Variants in OPCML observed in about 807,000 individuals in gnomAD.
OPCML encodes the protein opioid binding protein/cell adhesion molecule like, also known as opioid-binding protein/cell adhesion molecule.
In OPCML, 13 loss-of-function variants were observed where a neutral mutation model predicts 37.8. The observed-to-expected ratio is 0.34, with a 90% CI of 0.22 to 0.55. The LOEUF (loss-of-function observed/expected upper bound fraction) is 0.55. Ranked by LOEUF, OPCML falls within the 20% of genes least tolerant of loss-of-function variation. The pLI, the probability that OPCML is intolerant of heterozygous loss-of-function variation, is 0.91. For synonymous variants in OPCML, 176 were observed against 168.8 expected, an observed-to-expected ratio of 1.04 and a Z score of -0.33; for missense variants, 341 against 435.6, an observed-to-expected ratio of 0.78 and a Z score of 1.93.
chr11:132,537,934 G>A (rs2096345314), intron 3 of OPCML, among the ~76,000 whole-genome samples: 1 of 152,174 alleles, frequency 6.6e-6, no homozygotes, highest in South Asian at 2.1e-4. Flanking sequence ...CAAGGATGTG[G>A]AGAATTAATA....
chr11:133,016,149 G>A (rs1947330802), intron 1 of OPCML, among the ~76,000 whole-genome samples: 1 of 152,306 alleles, frequency 6.6e-6, no homozygotes, highest in East Asian at 1.9e-4. Context: ...CAAAAATGTA[G>A]TGCTTAGAAC....
intron 2 of OPCML, among the ~76,000 whole-genome samples, chr11:132,688,617 G>A (rs1451985650): frequency 1.3e-5 from 2 of 152,094 alleles, no homozygotes; most frequent in East Asian, 3.9e-4. Flanking sequence ...AATTGGTACT[G>A]GATAACCTTA....
At chr11:132,974,699 T>C (rs1946417696) in intron 1 of OPCML, among the ~76,000 whole-genome samples, 1 of 152,170 alleles carries the variant, frequency 6.6e-6, no homozygotes, top group Non-Finnish European at 1.5e-5. Context: ...CACATGCACA[T>C]GTATGTTTAT....
chr11:132,662,395 T>C (rs1352107043), intron 2 of OPCML, among the ~76,000 whole-genome samples: 1 of 144,832 alleles, frequency 6.9e-6, no homozygotes. Flanking sequence ...TGTTTTTATA[T>C]TTTGTCTTTG....
intron 1 of OPCML, among the ~76,000 whole-genome samples, chr11:132,996,342 G>A (rs557784637): frequency 6.6e-6 from 1 of 151,954 alleles, no homozygotes; most frequent in South Asian, 2.1e-4. Context: ...ATTCATAGCT[G>A]GGTACAGTGG....
rs562483565 is a variant in OPCML at position 133,239,609 on chromosome 11, G to A, written c.61+292655C>T. Among the ~76,000 whole-genome samples the A allele has an allele frequency of 4.9e-3, 753 of 152,338 alleles. 3 individuals are homozygous for A. Among genetic ancestry groups the A allele is most frequent in the Admixed American group, 7.2e-3 (110 of 15,304 alleles). ...AGACACCCCACCCGCTGCCTGCCAA[G>A]TGAGAAAGACCAAAAAGTAAGGTTG... On this transcript the variant is annotated intron_variant, in intron 1 of 7. Transcript: ENST00000524381.
chr11:132,716,177 G>A (rs946694879), intron 2 of OPCML, among the ~76,000 whole-genome samples: 5 of 152,168 alleles, frequency 3.3e-5, no homozygotes, highest in African/African-American at 1.2e-4. Flanking sequence ...CCATGTGCAG[G>A]CAGGTAATGA....
At chr11:132,708,551 GA>G (rs918350271) in intron 2 of OPCML, among the ~76,000 whole-genome samples, 3 of 152,146 alleles carry the variant, frequency 2.0e-5, no homozygotes, top group Admixed American at 1.3e-4. Flanking sequence ...CAAAAGAACT[GA>G]AAATCAGACC....
chr11:132,491,177 C>G (rs2096214553), intron 4 of OPCML, among the ~76,000 whole-genome samples: 1 of 152,254 alleles, frequency 6.6e-6, no homozygotes, highest in Non-Finnish European at 1.5e-5. Flanking sequence ...CCTGCCCTAA[C>G]TTGTTCCCCT....
At chr11:132,534,691 C>A (rs1484290852) in intron 3 of OPCML, among the ~76,000 whole-genome samples, 2 of 152,260 alleles carry the variant, frequency 1.3e-5, no homozygotes, top group African/African-American at 2.4e-5. Context: ...TGGCATTGGA[C>A]AACTTTTATT....
chr11:133,118,634 T>C (rs1949373514), intron 1 of OPCML, among the ~76,000 whole-genome samples: 1 of 150,998 alleles, frequency 6.6e-6, no homozygotes, highest in Non-Finnish European at 1.5e-5. Context: ...TCACATGGAG[T>C]GGATTTTTAC....
At chr11:133,307,678 T>C (rs1258287271) in intron 1 of OPCML, among the ~76,000 whole-genome samples, 1 of 152,132 alleles carries the variant, frequency 6.6e-6, no homozygotes, top group Non-Finnish European at 1.5e-5. Context: ...GTTTTAGATG[T>C]TCTTATCAAG....
chr11:132,827,654 T>A (rs1473256341), intron 2 of OPCML, among the ~76,000 whole-genome samples: 2 of 152,240 alleles, frequency 1.3e-5, no homozygotes, highest in Non-Finnish European at 2.9e-5. Context: ...TTTGCTTGTT[T>A]GTTGAGATGG....
chr11:132,951,131 T>C (rs547726149), intron 1 of OPCML, among the ~76,000 whole-genome samples: 51 of 152,284 alleles, frequency 3.3e-4, no homozygotes, highest in Non-Finnish European at 6.8e-4. Flanking sequence ...ACAAGCTCCT[T>C]ACATTCACTC....
intron 1 of OPCML, among the ~76,000 whole-genome samples, chr11:133,179,528 C>G (rs1167666905): frequency 6.6e-6 from 1 of 152,104 alleles, no homozygotes; most frequent in East Asian, 1.9e-4. Context: ...GAGCGGCACT[C>G]TCTTTCTTCT....
chr11:132,836,286 T>G (rs909298850), intron 2 of OPCML, among the ~76,000 whole-genome samples: 1 of 152,128 alleles, frequency 6.6e-6, no homozygotes, highest in African/African-American at 2.4e-5. Flanking sequence ...TCATCAGTGT[T>G]AGAAAAATAA....
intron 2 of OPCML, among the ~76,000 whole-genome samples, chr11:132,784,903 A>G (rs1270775691): frequency 6.6e-6 from 1 of 152,192 alleles, no homozygotes; most frequent in African/African-American, 2.4e-5. Flanking sequence ...AGTCTGCAGA[A>G]CCATGAGTCA....
chr11:133,005,878 A>G lies in OPCML; in HGVS notation c.62-62868T>C, dbSNP rs905890338. 12 of 985,336 alleles carry G rather than the reference A, an allele frequency of 1.2e-5. No individual in the cohort carries two copies. In the Admixed American group the frequency reaches 3.7e-4, roughly 30 times the overall value. The allele number at this position is 985,336 out of a possible 1,614,324, so 61.0% of individuals were successfully genotyped here. A position where few individuals can be genotyped will look rare whatever the true frequency, so the allele number is the denominator to read the frequency against. On this transcript the variant is annotated intron_variant, in intron 1 of 7. Transcript: ENST00000524381. ...ATTTTTAATTTGCACTTAATTGCAG[A>G]ATCCTGGAATTTCCAATCATCCTTT...
intron 4 of OPCML, among the ~76,000 whole-genome samples, chr11:132,467,687 T>A (rs532578518): frequency 6.6e-6 from 1 of 152,168 alleles, no homozygotes; most frequent in Admixed American, 6.5e-5. Context: ...TTCTCCTCCC[T>A]CTCCCCAAGG....
Sources: allele counts gnomAD v4.1 joint callset (sites outside exome capture counted in the v4.1 genomes callset), GRCh38; gene constraint gnomAD v4.1.1; transcripts MANE v1.5; gene names NCBI Gene and HGNC (gene_info 2026-07-23, HGNC 2026-07-21).